Variants in CD163L1 observed in about 807,000 individuals in gnomAD.
CD163L1 encodes CD163 molecule like 1.
Under a neutral mutation model 165.4 loss-of-function variants are expected in CD163L1, and 124 were observed. The observed-to-expected ratio is 0.75, with a 90% confidence interval of 0.65 to 0.87. The LOEUF is 0.87. Among genes scored for constraint, CD163L1 ranks in the 40% least tolerant of loss-of-function variants. The probability of loss-of-function intolerance (pLI) is 0.00; values close to 1 mark genes in which losing one functional copy is unlikely to be tolerated. For synonymous variants in CD163L1, 585 were observed against 662.2 expected (o/e 0.88, Z 1.79); for missense variants, 1,525 against 1,799.9 (o/e 0.85, Z 2.76).
the CD163L1 span, among the ~76,000 whole-genome samples, chr12:7,337,863 C>T: frequency 2.0e-5 from 3 of 152,194 alleles, no homozygotes; most frequent in Non-Finnish European, 4.4e-5. Flanking sequence ...AAGTCACATA[C>T]ACACGTATGT....
At chr12:7,409,338 A>G (rs1263538188) in intron 4 of CD163L1, among the ~76,000 whole-genome samples, 1 of 152,186 alleles carries the variant, frequency 6.6e-6, no homozygotes. Context: ...CCTCAATAAC[A>G]GCATTTCCCA....
chr12:7,372,779 G>A lies in CD163L1; in HGVS notation c.3730+541C>T, dbSNP rs1947171600. 6.6e-6 allele frequency among the ~76,000 whole-genome samples: 1 copy of A among 151,850 alleles called. No individual in the cohort carries two copies. Among genetic ancestry groups the A allele is most frequent in the South Asian group, 2.1e-4 (1 of 4,806 alleles). On this transcript the variant is annotated intron_variant, in intron 14 of 19. Transcript: ENST00000313599. The surrounding 1 kb of genome is among the most constrained non-coding windows in gnomAD (Gnocchi z 4.2). Reference sequence around the variant, plus strand: ...TAGTAATGGTTATTTTTGATAATCAGATTAAACGTGGAATGCATTTTATTA... The same window carrying A: ...TAGTAATGGTTATTTTTGATAATCAAATTAAACGTGGAATGCATTTTATTA...
intron 5 of CD163L1, among the ~76,000 whole-genome samples, chr12:7,405,990 G>A (rs1472240429): frequency 1.3e-5 from 2 of 152,118 alleles, no homozygotes; most frequent in East Asian, 3.8e-4. Context: ...GTAGTTGAAA[G>A]TTGCAAACTA....
At chr12:7,442,587 C>T (rs777721277) in intron 1 of CD163L1, among the ~76,000 whole-genome samples, 1 of 152,146 alleles carries the variant, frequency 6.6e-6, no homozygotes, top group Non-Finnish European at 1.5e-5. Flanking sequence ...CCCTATAGAA[C>T]GAAACAGGGA....
intron 19 of CD163L1, among the ~76,000 whole-genome samples, chr12:7,355,758 G>A (rs769300673): frequency 2.0e-5 from 3 of 152,080 alleles, no homozygotes; most frequent in African/African-American, 7.2e-5. Flanking sequence ...CTTACAAGAA[G>A]AAATTAGATC....
rs1948667214 is a variant in CD163L1 at position 7,433,580 on chromosome 12, G to A, written c.239C>T (p.Thr80Ile). ...GTVCDDGWNT[T>I]ASTVVCKQLG... is the part of the protein sequence containing the mutation. The stretch of plus-strand genomic sequence containing the variant: ...CTGTTTGCACACGACAGTTGAGGCA[G>A]TAGTGTTCCACCCATCATCACACAC... The change falls in exon 3 of 20, where the codon ACT (threonine) becomes ATT (isoleucine). Residue 80 changes from threonine (T) to isoleucine (I), a missense_variant. Coordinates refer to ENST00000313599, the MANE Select transcript of CD163L1 (RefSeq NM_174941.6). 1.2e-6 allele frequency: 2 copies of A among 1,614,074 alleles called. No homozygotes were observed. The highest frequency in any genetic ancestry group is 1.7e-6 in the Non-Finnish European group (2 of 1,179,978).
chr12:7,432,872 A>T lies in CD163L1; in HGVS notation c.446-136T>A. 1 of 710,152 alleles carries T rather than the reference A, an allele frequency of 1.4e-6. No homozygotes were observed. The highest frequency in any genetic ancestry group is 2.2e-6 in the Non-Finnish European group (1 of 462,464). 44.0% of individuals were successfully genotyped at this position (710,152 alleles called of 1,614,324 possible). On this transcript the variant is annotated intron_variant, in intron 3 of 19. Coordinates refer to ENST00000313599, the MANE Select transcript of CD163L1 (RefSeq NM_174941.6). The surrounding 1 kb of genome is among the most constrained non-coding windows in gnomAD (Gnocchi z 4.2). ...TAAAAAAAAATAACTGAAAATACTTATAGGAGGGGTATGTGAGGCTTTTTT... is the reference window on the plus strand; with the variant it reads ...TAAAAAAAAATAACTGAAAATACTTTTAGGAGGGGTATGTGAGGCTTTTTT...
the CD163L1 span, chr12:7,328,437 T>C: frequency 8.2e-7 from 1 of 1,224,378 alleles, no homozygotes; most frequent in Non-Finnish European, 1.1e-6. Context: ...TTTGTTCCGA[T>C]AATTCAGCGA....
At chr12:7,435,867 TTAAA>T (rs1361869267) in intron 2 of CD163L1, among the ~76,000 whole-genome samples, 6 of 152,050 alleles carry the variant, frequency 3.9e-5, no homozygotes, top group East Asian at 3.9e-4. Flanking sequence ...TAACGAAAAC[TTAAA>T]TAATTATAGC....
intron 14 of CD163L1, among the ~76,000 whole-genome samples, chr12:7,370,481 T>G (rs1485833623): frequency 6.6e-6 from 1 of 152,204 alleles, no homozygotes; most frequent in Non-Finnish European, 1.5e-5. Flanking sequence ...TCGGGATTTC[T>G]CTATTGGATT....
chr12:7,421,663 A>G (rs1455760511), intron 4 of CD163L1, among the ~76,000 whole-genome samples: 3 of 136,558 alleles, frequency 2.2e-5, no homozygotes, highest in Non-Finnish European at 3.1e-5. Flanking sequence ...ATGTACATAT[A>G]TACATATACG....
At chr12:7,443,313 T>G (rs974587930) in intron 1 of CD163L1, among the ~76,000 whole-genome samples, 6 of 152,006 alleles carry the variant, frequency 3.9e-5, no homozygotes, top group Admixed American at 6.6e-5. Flanking sequence ...CCAACAGGAG[T>G]AGCACTGCAT....
chr12:7,335,811 A>G, the CD163L1 span, among the ~76,000 whole-genome samples: 1 of 152,296 alleles, frequency 6.6e-6, no homozygotes, highest in African/African-American at 2.4e-5. Context: ...CAAATTTACA[A>G]GAAAAAACAA....
Position 7,396,367 on chromosome 12 carries a change from G to C in CD163L1, c.1778C>G (p.Ser593Trp). The C allele has an allele frequency of 6.2e-7, 1 of 1,611,570 alleles. No homozygotes were observed. Among genetic ancestry groups the C allele is most frequent in the Non-Finnish European group, 8.5e-7 (1 of 1,178,164 alleles). The change falls in exon 8 of 20, where the codon TCG becomes TGG. Residue 593 changes from serine (S) to tryptophan (W), a missense_variant. Transcript: ENST00000313599. ...LRLVGGSNRC[S>W]GRLEVYFQGR... ...TTGAAAGTACACCTCCAGTCTTCCC[G>C]AGCAGCGGTTGCTGCCGCCCACCAG...
At chr12:7,340,968 A>G in the CD163L1 span, among the ~76,000 whole-genome samples, 1 of 152,092 alleles carries the variant, frequency 6.6e-6, no homozygotes, top group Non-Finnish European at 1.5e-5. Flanking sequence ...ACATTTTCCA[A>G]ATTCAAATGT....
At chr12:7,335,812 GA>G in the CD163L1 span, among the ~76,000 whole-genome samples, 1 of 152,308 alleles carries the variant, frequency 6.6e-6, no homozygotes, top group Admixed American at 6.5e-5. Flanking sequence ...AAATTTACAA[GA>G]AAAAACAAAC....
the CD163L1 span, among the ~76,000 whole-genome samples, chr12:7,329,591 G>A: frequency 6.6e-6 from 1 of 151,530 alleles, no homozygotes. Context: ...TAAACCACAA[G>A]ACTGCAGTTG....
intron 6 of CD163L1, among the ~76,000 whole-genome samples, chr12:7,401,599 T>C (rs763635946): frequency 1.3e-5 from 2 of 152,212 alleles, no homozygotes; most frequent in East Asian, 3.9e-4. Context: ...AACTTAACAT[T>C]ATGAGGTAGT....
chr12:7,367,605 A>G (rs1947050942), intron 17 of CD163L1: 2 of 284,878 alleles, frequency 7.0e-6, no homozygotes, highest in South Asian at 6.6e-5. Flanking sequence ...TTATTTAACT[A>G]TCTTAACCTG....
Sources: allele counts gnomAD v4.1 joint callset (sites outside exome capture counted in the v4.1 genomes callset), GRCh38; gene constraint gnomAD v4.1.1; non-coding constraint Gnocchi (gnomAD v3.1); transcripts MANE v1.5; gene names NCBI Gene and HGNC (gene_info 2026-07-23, HGNC 2026-07-21).